The following RBMS3 variants were observed in gnomAD, a reference collection of about 807,000 sequenced individuals.
RBMS3 encodes RNA binding motif single stranded interacting protein 3.
Under a neutral mutation model 66.8 loss-of-function variants are expected in RBMS3, and 27 were observed. The observed-to-expected ratio is 0.40, with a 90% CI of 0.30 to 0.56. RBMS3 has a LOEUF of 0.56. RBMS3 is among the 20% of genes least tolerant of loss of function. The probability of loss-of-function intolerance (pLI) is 0.40; values close to 1 mark genes in which losing one functional copy is unlikely to be tolerated. For synonymous variants in RBMS3, 188 were observed against 183.0 expected (o/e 1.03, Z -0.22); for missense variants, 513 against 549.5 (o/e 0.93, Z 0.66).
intron 1 of RBMS3, among the ~76,000 whole-genome samples, chr3:29,349,138 A>C (rs973929281): frequency 6.6e-6 from 1 of 152,152 alleles, no homozygotes; most frequent in African/African-American, 2.4e-5. Flanking sequence ...GATGTTTGAA[A>C]GCACATCTGT....
intron 4 of RBMS3, chr3:29,642,954 G>T (rs934037662): frequency 1.3e-5 from 2 of 152,064 alleles, no homozygotes; most frequent in African/African-American, 2.4e-5. Flanking sequence ...CAAGCCTGGC[G>T]ATGTTCATTT....
chr3:29,422,391 C>A, intron 1 of RBMS3, among the ~76,000 whole-genome samples: 1 of 81,404 alleles, frequency 1.2e-5, no homozygotes. Context: ...AGAATATCAC[C>A]AGCCCAAAAA....
chr3:29,464,066 T>C (rs2042460100), intron 2 of RBMS3, among the ~76,000 whole-genome samples: 1 of 152,146 alleles, frequency 6.6e-6, no homozygotes, highest in Non-Finnish European at 1.5e-5. Context: ...AGATCTTTAG[T>C]GATCTTGTTT....
At chr3:29,874,715 T>C (rs2059570731) in intron 7 of RBMS3, among the ~76,000 whole-genome samples, 2 of 152,208 alleles carry the variant, frequency 1.3e-5, no homozygotes, top group Admixed American at 1.3e-4. Context: ...TCAAGGTTAA[T>C]GGAACTTCTA....
intron 1 of RBMS3, among the ~76,000 whole-genome samples, chr3:29,285,287 T>A (rs2032223130): frequency 6.6e-6 from 1 of 151,000 alleles, no homozygotes; most frequent in African/African-American, 2.4e-5. Flanking sequence ...TGGGGGGTTC[T>A]TGAAAAAAAA....
chr3:29,987,981 C>T, intron 12 of RBMS3, 162 bp from the exon 13 acceptor site: 2 of 579,070 alleles, frequency 3.5e-6, no homozygotes, highest in Non-Finnish European at 6.1e-6. Flanking sequence ...AAAGGCCTTT[C>T]AATACAGAGA....
At chr3:29,644,834 G>T (rs2049858206) in intron 4 of RBMS3, among the ~76,000 whole-genome samples, 1 of 151,970 alleles carries the variant, frequency 6.6e-6, no homozygotes, top group Non-Finnish European at 1.5e-5. Context: ...AATCCACTAA[G>T]GTCACTGATT....
At chr3:29,596,910 C>T (rs1191311806) in intron 4 of RBMS3, among the ~76,000 whole-genome samples, 2 of 152,124 alleles carry the variant, frequency 1.3e-5, no homozygotes, top group African/African-American at 4.8e-5. Flanking sequence ...TTTGTGACCT[C>T]AAACTGAATT....
chr3:29,729,134 C>T (rs1004978793), intron 4 of RBMS3, among the ~76,000 whole-genome samples: 3 of 132,244 alleles, frequency 2.3e-5, no homozygotes, highest in Non-Finnish European at 4.7e-5. Flanking sequence ...CCCTCCCCTA[C>T]CGCCCCACCC....
At chr3:29,777,705 A>G (rs1320048344) in intron 6 of RBMS3, among the ~76,000 whole-genome samples, 1 of 151,906 alleles carries the variant, frequency 6.6e-6, no homozygotes, top group Non-Finnish European at 1.5e-5. Flanking sequence ...TTTAAAGAGT[A>G]TTGACCTATG....
intron 4 of RBMS3, among the ~76,000 whole-genome samples, chr3:29,695,277 G>A (rs2052213097): frequency 6.6e-6 from 1 of 152,082 alleles, no homozygotes; most frequent in African/African-American, 2.4e-5. Context: ...TTCAGGTTTT[G>A]TGACTTTTTC....
rs181856717 is a variant in RBMS3 at position 29,316,596 on chromosome 3, A to G, written c.75+34840A>G. Among the ~76,000 whole-genome samples, 3 of 151,780 alleles carry G rather than the reference A, an allele frequency of 2.0e-5. No individual in the cohort carries two copies. The East Asian group carries it at 5.8e-4, about 29-fold the overall frequency. On this transcript the variant is annotated intron_variant, in intron 1 of 14. Coordinates refer to ENST00000383767, the MANE Select transcript of RBMS3 (RefSeq NM_001003793.3). ...CATGAAAGCAAGCTTAGTGATACCT[A>G]AACAAATGAGTTTAGGTGGGTCTGT...
intron 4 of RBMS3, among the ~76,000 whole-genome samples, chr3:29,599,203 C>T (rs1393711884): frequency 8.8e-5 from 13 of 148,072 alleles, no homozygotes; most frequent in Admixed American, 2.7e-4. Flanking sequence ...AATAGGGTAT[C>T]TGTAGCCAAT....
chr3:29,532,948 C>T (rs1188479537), intron 3 of RBMS3, among the ~76,000 whole-genome samples: 1 of 152,038 alleles, frequency 6.6e-6, no homozygotes, highest in Non-Finnish European at 1.5e-5. Flanking sequence ...AGTAGTATTA[C>T]TTCGATTTTT....
intron 4 of RBMS3, among the ~76,000 whole-genome samples, chr3:29,642,122 T>C (rs1443505490): frequency 2.6e-5 from 4 of 152,080 alleles, no homozygotes; most frequent in Non-Finnish European, 4.4e-5. Context: ...TTTACAACTT[T>C]CTGCGATCAG....
chr3:29,902,296 T>C (rs918458938), intron 10 of RBMS3, among the ~76,000 whole-genome samples: 2 of 151,892 alleles, frequency 1.3e-5, no homozygotes, highest in African/African-American at 4.8e-5. Flanking sequence ...CAATAAATTA[T>C]TATTATTTAA....
At chr3:29,311,265 A>G (rs17722069) in intron 1 of RBMS3, among the ~76,000 whole-genome samples, 39,148 of 151,598 alleles carry the variant, frequency 0.26, 5,303 homozygotes, top group Middle Eastern at 0.37. Context: ...ATCATTCTCC[A>G]GTTCTCTAAT....
chr3:29,419,908 CATTACTATTG>C (rs2040632076), intron 1 of RBMS3, among the ~76,000 whole-genome samples: 2 of 152,164 alleles, frequency 1.3e-5, no homozygotes, highest in South Asian at 4.1e-4. Context: ...CAGTTTGTAT[CATTACTATTG>C]TAGTTCATGC....
intron 12 of RBMS3, among the ~76,000 whole-genome samples, chr3:29,973,542 C>T (rs6771567): frequency 0.046 from 7,038 of 151,990 alleles, 432 homozygotes; most frequent in African/African-American, 0.14. Context: ...TAGTATATGG[C>T]TTCTCAACAT....
Sources: allele counts gnomAD v4.1 joint callset (sites outside exome capture counted in the v4.1 genomes callset), GRCh38; gene constraint gnomAD v4.1.1; transcripts MANE v1.5; gene names NCBI Gene and HGNC (gene_info 2026-07-23, HGNC 2026-07-21).